The following RGS10 variants were observed in gnomAD, a reference collection of about 807,000 sequenced individuals.
The protein encoded by RGS10 is regulator of G-protein signalling 10.
RGS10 carries 11 observed loss-of-function variants against 23.5 expected under a neutral mutation model. The observed-to-expected ratio is 0.47, with a 90% confidence interval of 0.29 to 0.77. The LOEUF is 0.77. Ranked by LOEUF, RGS10 falls within the 30% of genes least tolerant of loss-of-function variation. RGS10 has a pLI of 0.08. For synonymous variants in RGS10, 77 were observed against 83.2 expected (o/e 0.92, Z 0.41); for missense variants, 180 against 226.3 (o/e 0.80, Z 1.31).
Position 119,526,116 on chromosome 10 carries a change from T to A in RGS10, c.171A>T (p.Glu57Asp). 2 of 1,493,582 alleles carry A rather than the reference T, an allele frequency of 1.3e-6. No individual in the cohort carries two copies. Among genetic ancestry groups the A allele is most frequent in the Non-Finnish European group, 1.8e-6 (2 of 1,088,572 alleles). 92.5% of individuals were successfully genotyped at this position (1,493,582 alleles called of 1,614,324 possible). A position where few individuals can be genotyped will look rare whatever the true frequency, so the allele number is the denominator to read the frequency against. ...EDPEGVKRFR[E>D]FLKKEFSEEN... is the part of the protein sequence containing the mutation. ...CTTCACTGAATTCCTTTTTTAAAAA[T>A]TCCTGTGGATACAAAGAAAAAGAGT... The change falls in exon 3 of 5, where the codon GAA becomes GAT. Residue 57 changes from glutamate (E) to aspartate (D), a missense_variant and splice_region_variant. Physicochemically the swap from Glu to Asp is conservative, Grantham distance 45. Coordinates refer to ENST00000369103, the MANE Select transcript of RGS10 (RefSeq NM_001005339.2).
At chr10:119,523,225 G>A (rs1844239438) in intron 3 of RGS10, among the ~76,000 whole-genome samples, 1 of 152,076 alleles carries the variant, frequency 6.6e-6, no homozygotes, top group Non-Finnish European at 1.5e-5. Context: ...CTCACACTGG[G>A]GCCCAAACAC....
At chr10:119,518,234 G>A in intron 3 of RGS10, among the ~76,000 whole-genome samples, 1 of 152,216 alleles carries the variant, frequency 6.6e-6, no homozygotes, top group African/African-American at 2.4e-5. Context: ...ACATGTGGCT[G>A]GCCACAGCCT....
chr10:119,501,579 C>T (rs577404630), intron 4 of RGS10, among the ~76,000 whole-genome samples: 7 of 151,988 alleles, frequency 4.6e-5, no homozygotes, highest in Admixed American at 2.6e-4. Flanking sequence ...AAAAATTAGC[C>T]GAGCGTGGTG....
chr10:119,530,078 G>A (rs1354546252), intron 1 of RGS10, among the ~76,000 whole-genome samples: 2 of 152,126 alleles, frequency 1.3e-5, no homozygotes, highest in South Asian at 2.1e-4. Context: ...GTGACAGAGC[G>A]AGACTCCATC....
intron 4 of RGS10, among the ~76,000 whole-genome samples, chr10:119,512,963 G>A (rs1049869740): frequency 6.6e-6 from 1 of 152,104 alleles, no homozygotes; most frequent in Admixed American, 6.5e-5. Flanking sequence ...ACACTTATTA[G>A]GCCACATCTG....
chr10:119,529,373 G>A (rs11199000), intron 1 of RGS10, among the ~76,000 whole-genome samples: 48,686 of 151,968 alleles, frequency 0.32, 8,362 homozygotes, highest in East Asian at 0.58. Context: ...GGAATCATTT[G>A]AACCTGGGAG....
intron 4 of RGS10, among the ~76,000 whole-genome samples, chr10:119,508,295 C>T (rs950639711): frequency 5.9e-5 from 9 of 152,144 alleles, no homozygotes; most frequent in African/African-American, 1.9e-4. Flanking sequence ...CCACTGTGCC[C>T]GGCCCAAAAT....
chr10:119,502,715 G>A (rs1053326421), intron 4 of RGS10, among the ~76,000 whole-genome samples: 11 of 152,086 alleles, frequency 7.2e-5, no homozygotes, highest in Admixed American at 3.3e-4. Flanking sequence ...CTGAGGGGAG[G>A]GGGCTGCGAA....
intron 1 of RGS10, among the ~76,000 whole-genome samples, chr10:119,533,968 A>T (rs932436389): frequency 9.9e-5 from 15 of 152,186 alleles, no homozygotes; most frequent in Non-Finnish European, 1.5e-4. Flanking sequence ...TTAATACTTC[A>T]GATGGGCCAG....
intron 4 of RGS10, among the ~76,000 whole-genome samples, chr10:119,514,080 G>C (rs1284685111): frequency 6.6e-6 from 1 of 152,248 alleles, no homozygotes; most frequent in Admixed American, 6.5e-5. Flanking sequence ...TTAGGGCCAG[G>C]CGTGGTGGCT....
chr10:119,517,780 T>C lies in RGS10; in HGVS notation c.256-2128A>G, dbSNP rs1844163172. Among the ~76,000 whole-genome samples, 2 of 152,196 alleles carry C rather than the reference T, an allele frequency of 1.3e-5. No homozygotes were observed. The highest frequency in any genetic ancestry group is 4.8e-5 in the African/African-American group (2 of 41,442). On this transcript the variant is annotated intron_variant, in intron 3 of 4. Coordinates refer to ENST00000369103, the MANE Select transcript of RGS10 (RefSeq NM_001005339.2). The surrounding 1 kb of genome is among the most constrained non-coding windows in gnomAD (Gnocchi z 5.0). ...AAGTGCAATGAATGGCTTGAGTCTT[T>C]GAGGTGGGGCAGAAGAGGCCGGGGG... is the stretch of plus-strand genomic sequence containing the variant.
At chr10:119,532,285 T>A (rs1844339831) in intron 1 of RGS10, among the ~76,000 whole-genome samples, 2 of 152,104 alleles carry the variant, frequency 1.3e-5, no homozygotes, top group Non-Finnish European at 2.9e-5. Flanking sequence ...GTGGCATCTC[T>A]CTTTTCCAAG....
At chr10:119,532,371 GT>G in intron 1 of RGS10, among the ~76,000 whole-genome samples, 1 of 152,076 alleles carries the variant, frequency 6.6e-6, no homozygotes. Flanking sequence ...GCAACTCAGG[GT>G]CCCCTGCTCA....
At chr10:119,537,801 G>A (rs1230392443) in intron 1 of RGS10, among the ~76,000 whole-genome samples, 1 of 152,216 alleles carries the variant, frequency 6.6e-6, no homozygotes, top group Non-Finnish European at 1.5e-5. Context: ...TGTGCTGGTA[G>A]AGGAAGGACA....
rs556378654 is a variant in RGS10, at chr10:119,527,852, T to TC, written c.50-429dup. 4.5e-4 allele frequency among the ~76,000 whole-genome samples: 68 copies of TC among 152,234 alleles called. No individual in the cohort carries two copies. In the South Asian group the frequency reaches 0.013, roughly 29 times the overall value. ...TGTTGTGACTATTTACATGACTGAC[T>TC]CCCACTAGTCTGAAGGCTCCTATGT... is the stretch of plus-strand genomic sequence containing the variant. On this transcript the variant is annotated intron_variant, in intron 1 of 4. Coordinates refer to ENST00000369103, the MANE Select transcript of RGS10 (RefSeq NM_001005339.2). This position sits in a 1 kb window ranked among gnomAD's most constrained non-coding sequence, Gnocchi z 4.2.
In RGS10 at chr10:119,527,765, T is replaced by G. The variant is rs1441114258; in HGVS notation, c.50-341A>C. 6.6e-6 allele frequency among the ~76,000 whole-genome samples: 1 copy of G among 152,164 alleles called. No homozygotes were observed. Among genetic ancestry groups the G allele is most frequent in the Non-Finnish European group, 1.5e-5 (1 of 68,030 alleles). On this transcript the variant is annotated intron_variant, in intron 1 of 4. Coordinates refer to ENST00000369103, the MANE Select transcript of RGS10 (RefSeq NM_001005339.2). This position sits in a 1 kb window ranked among gnomAD's most constrained non-coding sequence, Gnocchi z 4.2. ...ACTCAAACCCTCCTCCAAGAGAACC[T>G]TGATTCAACAGCAACTGCTTCCCCA...
At chr10:119,515,676 G>A (rs1269847255) in intron 3 of RGS10, 24 bp from the exon 4 acceptor site, 2 of 1,613,376 alleles carry the variant, frequency 1.2e-6, no homozygotes, top group Non-Finnish European at 1.7e-6. Context: ...ATGGGGCCTT[G>A]TGCTATCTGC....
intron 1 of RGS10, among the ~76,000 whole-genome samples, chr10:119,534,027 G>A (rs1385082766): frequency 1.3e-5 from 2 of 151,822 alleles, no homozygotes; most frequent in Non-Finnish European, 2.9e-5. Flanking sequence ...GGCCGAGGTG[G>A]GTGGATCACT....
Position 119,511,491 on chromosome 10 carries a change from C to T in RGS10, c.399+4018G>A, listed in dbSNP as rs866770373. 7.2e-5 allele frequency among the ~76,000 whole-genome samples: 11 copies of T among 152,160 alleles called. No homozygotes were observed. The Middle Eastern group carries it at 0.01, about 141-fold the overall frequency. ...AAAATTAGCCTAGCCTGGTGACATACGCCTGTAATCCCAGCTACTCAGGAG... is the reference window on the plus strand; with the variant it reads ...AAAATTAGCCTAGCCTGGTGACATATGCCTGTAATCCCAGCTACTCAGGAG... On this transcript the variant is annotated intron_variant, in intron 4 of 4. Coordinates refer to ENST00000369103, the MANE Select transcript of RGS10 (RefSeq NM_001005339.2).
Sources: gnomAD v4.1 joint callset for allele counts (sites outside exome capture counted in the v4.1 genomes callset) on GRCh38, gnomAD v4.1.1 for gene constraint, Gnocchi (gnomAD v3.1) non-coding constraint, MANE v1.5 for transcripts, NCBI Gene and HGNC (gene_info 2026-07-23, HGNC 2026-07-21) for gene names.